PCDHGA2: variants seen among roughly 807,000 people sequenced by gnomAD.
PCDHGA2 encodes protocadherin gamma subfamily A, 2.
PCDHGA2 carries 40 observed loss-of-function variants against 59.2 expected under a neutral mutation model. That is an observed-to-expected ratio of 0.68 (90% CI 0.52 to 0.88). PCDHGA2 has a LOEUF of 0.88. PCDHGA2 is among the 40% of genes least tolerant of loss of function. PCDHGA2 has a pLI of 0.00. For synonymous variants in PCDHGA2, 560 were observed against 526.0 expected, an observed-to-expected ratio of 1.06 and a Z score of -0.89; for missense variants, 1,226 against 1,204.0, an observed-to-expected ratio of 1.02 and a Z score of -0.27.
At chr5:141,372,457 TAC>T (rs774918013) in intron 1 of PCDHGA2, 3 of 1,614,052 alleles carry the variant, frequency 1.9e-6, no homozygotes, top group Non-Finnish European at 1.7e-6. Flanking sequence ...CAGGCGGAGC[TAC>T]AGTTTCACCT....
At chr5:141,348,842 G>A (rs1418880987) in intron 1 of PCDHGA2, among the ~76,000 whole-genome samples, 1 of 152,094 alleles carries the variant, frequency 6.6e-6, no homozygotes, top group Non-Finnish European at 1.5e-5. Flanking sequence ...GAGTATGGGT[G>A]AGCACTGCAA....
chr5:141,356,322 T>A, intron 1 of PCDHGA2: 5 of 1,554,272 alleles, frequency 3.2e-6, no homozygotes, highest in Non-Finnish European at 4.4e-6. Context: ...TGCATGACAG[T>A]GACTCAGGAG....
At position 141,476,901 on chromosome 5, in the gene PCDHGA2, G is replaced by C; in HGVS notation, c.2425-17906G>C. On this transcript the variant is annotated intron_variant, in intron 1 of 3. Coordinates refer to ENST00000394576, the MANE Select transcript of PCDHGA2 (RefSeq NM_018915.4). The surrounding 1 kb of genome is among the most constrained non-coding windows in gnomAD (Gnocchi z 7.6). ...CTGGAGGATGCACCCTCCGGCACGC[G>C]CGTGGTACAAGTCCTTGCAACGGAT... The C allele has an allele frequency of 1.2e-6, 2 of 1,613,900 alleles. No homozygotes were observed. Among genetic ancestry groups the C allele is most frequent in the Non-Finnish European group, 1.7e-6 (2 of 1,180,034 alleles).
chr5:141,394,004 A>C (rs1220367944), intron 1 of PCDHGA2: 3 of 1,613,496 alleles, frequency 1.9e-6, no homozygotes. Flanking sequence ...TAGAAAAGTC[A>C]ATAGGTAATT....
chr5:141,368,577 T>G (rs1765736548), intron 1 of PCDHGA2, among the ~76,000 whole-genome samples: 1 of 152,068 alleles, frequency 6.6e-6, no homozygotes, highest in Admixed American at 6.5e-5. Flanking sequence ...CTTCTTAGGG[T>G]AAGGTGTTTG....
At position 141,494,852 on chromosome 5, in the gene PCDHGA2, C is replaced by T. The variant is rs755464933; in HGVS notation, c.2470C>T (p.Pro824Ser). ...TDWRFSQAQR[P>S]GTSGSQNGDD... is the part of the protein sequence containing the mutation. Reference sequence around the variant, plus strand: ...CTGGCGTTTCTCTCAGGCCCAGAGACCCGGCACCAGCGGGTAGGTGACTGA... The same window carrying T: ...CTGGCGTTTCTCTCAGGCCCAGAGATCCGGCACCAGCGGGTAGGTGACTGA... The change falls in exon 2 of 4, where the codon CCC (proline) becomes TCC (serine). Residue 824 changes from proline (P) to serine (S), a missense_variant. Coordinates refer to ENST00000394576, the MANE Select transcript of PCDHGA2 (RefSeq NM_018915.4). 6 of 1,614,042 alleles carry T rather than the reference C, an allele frequency of 3.7e-6. No homozygotes were observed. Among genetic ancestry groups the T allele is most frequent in the Admixed American group, 1.7e-5 (1 of 60,000 alleles).
rs771124496 is a variant in PCDHGA2, at chr5:141,489,457, C to A, written c.2425-5350C>A. The A allele has an allele frequency of 6.2e-7, 1 of 1,613,882 alleles. No homozygotes were observed. The highest frequency in any genetic ancestry group is 8.5e-7 in the Non-Finnish European group (1 of 1,179,984). ...GCAATTGGGCTCTGAGGAGAATGGG[C>A]GCTATTTTTCCCTGAGCTTGATGAG... On this transcript the variant is annotated intron_variant, in intron 1 of 3. Coordinates refer to ENST00000394576, the MANE Select transcript of PCDHGA2 (RefSeq NM_018915.4). This position sits in a 1 kb window ranked among gnomAD's most constrained non-coding sequence, Gnocchi z 4.5.
intron 1 of PCDHGA2, among the ~76,000 whole-genome samples, chr5:141,460,672 TATATCTATATA>T (rs2098995194): frequency 6.6e-6 from 1 of 152,086 alleles, no homozygotes; most frequent in Admixed American, 6.6e-5. Flanking sequence ...AACACAGTTA[TATATCTATATA>T]TCCACCAACA....
At chr5:141,401,599 G>A (rs368569328) in intron 1 of PCDHGA2, among the ~76,000 whole-genome samples, 22 of 152,278 alleles carry the variant, frequency 1.4e-4, no homozygotes, top group African/African-American at 4.8e-4. Context: ...CTTGAAGAAG[G>A]GGAAAAAGAC....
chr5:141,482,981 A>C (rs1377809325), intron 1 of PCDHGA2, among the ~76,000 whole-genome samples: 1 of 150,250 alleles, frequency 6.7e-6, no homozygotes, highest in Non-Finnish European at 1.5e-5. Context: ...GCTACTTGAG[A>C]GGTCGAGGCA....
intron 1 of PCDHGA2, among the ~76,000 whole-genome samples, chr5:141,473,466 G>A (rs1217251844): frequency 1.3e-5 from 2 of 151,738 alleles, no homozygotes; most frequent in East Asian, 1.9e-4. Flanking sequence ...TTAAAGTTGT[G>A]CCAAGTTCAA....
rs1248867280 is a variant in PCDHGA2 at position 141,511,325 on chromosome 5, C to T, written c.*152C>T. 18 of 1,466,406 alleles carry T rather than the reference C, an allele frequency of 1.2e-5. No homozygotes were observed. Among genetic ancestry groups the T allele is most frequent in the Non-Finnish European group, 1.5e-5 (17 of 1,099,872 alleles). 90.8% of individuals were successfully genotyped at this position (1,466,406 alleles called of 1,614,324 possible). A position where few individuals can be genotyped will look rare whatever the true frequency, so the allele number is the denominator to read the frequency against. On this transcript the variant is annotated 3_prime_UTR_variant, in exon 4 of 4. Coordinates refer to ENST00000394576, the MANE Select transcript of PCDHGA2 (RefSeq NM_018915.4). ...TCCCCTTGGGAAACAGAAACAAGTG[C>T]CCAGTCAGCACCTACCCCTTCCCCC...
chr5:141,372,879 G>T (rs1269761634), intron 1 of PCDHGA2: 2 of 1,265,292 alleles, frequency 1.6e-6, no homozygotes, highest in Admixed American at 2.7e-5. Context: ...GAGATAAAAA[G>T]AATACAGATT....
intron 1 of PCDHGA2, chr5:141,422,210 T>C: frequency 6.4e-7 from 1 of 1,562,390 alleles, no homozygotes; most frequent in South Asian, 1.2e-5. Flanking sequence ...GGTGGAGGTC[T>C]CTTTACCACC....
At chr5:141,394,982 C>T (rs754667421) in intron 1 of PCDHGA2, 16 of 1,613,866 alleles carry the variant, frequency 9.9e-6, no homozygotes, top group Non-Finnish European at 1.3e-5. Context: ...ACAAGTCACG[C>T]CTGCTCCAGG....
chr5:141,357,744 A>C, intron 1 of PCDHGA2: 1 of 1,224,260 alleles, frequency 8.2e-7, no homozygotes, highest in East Asian at 2.5e-5. Context: ...TATTGCTTTA[A>C]AGAAAACTGG....
rs536614183 is a variant in PCDHGA2, at chr5:141,348,576, G to A, written c.2424+7181G>A. Among the ~76,000 whole-genome samples the A allele has an allele frequency of 1.7e-3, 253 of 152,272 alleles. 1 individual carries two copies. The highest frequency in any genetic ancestry group is 3.2e-3 in the African/African-American group (132 of 41,540). The stretch of plus-strand genomic sequence containing the variant: ...TATATGAAACATAGCCTACATATGT[G>A]TCATGAAAATACACTGAGAGTATGG... On this transcript the variant is annotated intron_variant, in intron 1 of 3. Transcript: ENST00000394576.
At chr5:141,503,743 G>C (rs1465272424) in intron 2 of PCDHGA2, among the ~76,000 whole-genome samples, 1 of 152,126 alleles carries the variant, frequency 6.6e-6, no homozygotes, top group Non-Finnish European at 1.5e-5. Context: ...TGATGGTATA[G>C]AGGTCACACA....
chr5:141,379,805 G>T (rs183993206), intron 1 of PCDHGA2, among the ~76,000 whole-genome samples: 71 of 149,374 alleles, frequency 4.8e-4, no homozygotes, highest in African/African-American at 1.7e-3. Flanking sequence ...GAGGTTTTGA[G>T]AGTTCAGTAT....
Sources: gnomAD v4.1 joint callset for allele counts (sites outside exome capture counted in the v4.1 genomes callset) on GRCh38, gnomAD v4.1.1 for gene constraint, Gnocchi (gnomAD v3.1) non-coding constraint, MANE v1.5 for transcripts, NCBI Gene and HGNC (gene_info 2026-07-23, HGNC 2026-07-21) for gene names.